The following TMEM163 variants were observed in gnomAD, a reference collection of about 807,000 sequenced individuals.
TMEM163 encodes transmembrane protein 163.
TMEM163 carries 17 observed loss-of-function variants against 29.3 expected under a neutral mutation model. The ratio of observed to expected loss-of-function variants is 0.58; its 90% CI spans 0.40 to 0.87. TMEM163 has a LOEUF of 0.87. TMEM163 is among the 40% of genes least tolerant of loss of function. TMEM163 has a pLI of 0.00. For missense variants in TMEM163, 303 were observed against 381.5 expected, an observed-to-expected ratio of 0.79 and a Z score of 1.71; for synonymous variants, 157 against 160.6, an observed-to-expected ratio of 0.98 and a Z score of 0.17.
chr2:134,467,070 T>A (rs563060637), intron 5 of TMEM163: 1 of 152,338 alleles, frequency 6.6e-6, no homozygotes, highest in African/African-American at 2.4e-5. Flanking sequence ...AAACCTCATG[T>A]CAGAACCTGG....
chr2:134,497,028 G>C (rs72982253), intron 5 of TMEM163, among the ~76,000 whole-genome samples: 5,425 of 152,202 alleles, frequency 0.036, 177 homozygotes, highest in Middle Eastern at 0.085. Flanking sequence ...GTCGCATGGA[G>C]TGTCTGCTTA....
rs1470973264 is a variant in TMEM163 at position 134,528,425 on chromosome 2, CAGG to C, written c.458+22142_458+22144del. Among the ~76,000 whole-genome samples the C allele has an allele frequency of 5.9e-5, 9 of 152,218 alleles. No homozygotes were observed. In the South Asian group the frequency reaches 1.7e-3, roughly 28 times the overall value. On this transcript the variant is annotated intron_variant, in intron 4 of 7. Coordinates refer to ENST00000281924, the MANE Select transcript of TMEM163 (RefSeq NM_030923.5). ...AGATGGCTTCCCTAACCTAGTAAAC[CAGG>C]AGAATGCCTCAGATGATACATTTTG...
At chr2:134,492,688 G>A (rs1314210672) in intron 5 of TMEM163, among the ~76,000 whole-genome samples, 1 of 152,138 alleles carries the variant, frequency 6.6e-6, no homozygotes, top group Non-Finnish European at 1.5e-5. Context: ...CGTCAGTAGT[G>A]TCTACCACCG....
chr2:134,599,014 TA>T (rs34207224), intron 2 of TMEM163, among the ~76,000 whole-genome samples: 3,367 of 124,176 alleles, frequency 0.027, 113 homozygotes, highest in African/African-American at 0.079. Context: ...GCCATTCCGT[TA>T]AAAAAAAAAA....
chr2:134,670,480 C>T (rs575460068), intron 2 of TMEM163, among the ~76,000 whole-genome samples: 97 of 152,298 alleles, frequency 6.4e-4, no homozygotes, highest in African/African-American at 2.1e-3. Flanking sequence ...CAATCTTGCC[C>T]TGATACTACC....
intron 2 of TMEM163, among the ~76,000 whole-genome samples, chr2:134,555,282 T>C (rs925444444): frequency 1.3e-5 from 2 of 152,088 alleles, no homozygotes; most frequent in African/African-American, 2.4e-5. Context: ...CCAACTTCCA[T>C]GGGGTTTTCA....
At chr2:134,710,688 C>A (rs1684906730) in intron 2 of TMEM163, among the ~76,000 whole-genome samples, 1 of 151,830 alleles carries the variant, frequency 6.6e-6, no homozygotes, top group Non-Finnish European at 1.5e-5. Context: ...TTATTACAGT[C>A]TTGAGTACTG....
chr2:134,683,031 T>C (rs1270480505), intron 2 of TMEM163, among the ~76,000 whole-genome samples: 1 of 152,172 alleles, frequency 6.6e-6, no homozygotes, highest in East Asian at 1.9e-4. Context: ...GGCTACATAC[T>C]GTATGATTTC....
Position 134,593,819 on chromosome 2 carries a change from T to G in TMEM163, c.323-41728A>C, listed in dbSNP as rs1423627290. Among the ~76,000 whole-genome samples the G allele has an allele frequency of 2.0e-5, 3 of 151,982 alleles. 1 individual carries two copies. The highest frequency in any genetic ancestry group is 1.5e-5 in the Non-Finnish European group (1 of 68,004). On this transcript the variant is annotated intron_variant, in intron 2 of 7. Coordinates refer to ENST00000281924, the MANE Select transcript of TMEM163 (RefSeq NM_030923.5). Reference sequence around the variant, plus strand: ...ACACTGACTCTGGGAATTTTTTTTTTTTTTTTACATGCAGAAGTTTAACTC... The same window carrying G: ...ACACTGACTCTGGGAATTTTTTTTTGTTTTTTACATGCAGAAGTTTAACTC...
intron 2 of TMEM163, among the ~76,000 whole-genome samples, chr2:134,570,945 C>T (rs1343395066): frequency 6.6e-6 from 1 of 152,192 alleles, no homozygotes; most frequent in Non-Finnish European, 1.5e-5. Context: ...GAAATGCGTT[C>T]TCATTTATTT....
rs200106300 is a variant in TMEM163 at position 134,711,310 on chromosome 2, TAC to T, written c.322+1888_322+1889del. Among the ~76,000 whole-genome samples, 5 of 151,996 alleles carry T rather than the reference TAC, an allele frequency of 3.3e-5. No homozygotes were observed. The East Asian group carries it at 7.7e-4, about 23-fold the overall frequency. ...TCAAGGGTTTAAAATATGAAACACA[TAC>T]ACACACACACAAATACTAAAGCTAC... On this transcript the variant is annotated intron_variant, in intron 2 of 7. Coordinates refer to ENST00000281924, the MANE Select transcript of TMEM163 (RefSeq NM_030923.5).
At chr2:134,583,100 G>A (rs1332012896) in intron 2 of TMEM163, among the ~76,000 whole-genome samples, 5 of 152,312 alleles carry the variant, frequency 3.3e-5, no homozygotes, top group East Asian at 1.9e-4. Flanking sequence ...GACAGAGAAC[G>A]GTGGAGCTTC....
chr2:134,569,379 C>T (rs1292947449), intron 2 of TMEM163, among the ~76,000 whole-genome samples: 1 of 152,154 alleles, frequency 6.6e-6, no homozygotes, highest in African/African-American at 2.4e-5. Flanking sequence ...ATCCCACCCC[C>T]ACATCATTTC....
In TMEM163 at chr2:134,597,757, G is replaced by A. The variant is rs574700435; in HGVS notation, c.323-45666C>T. Among the ~76,000 whole-genome samples, 25 of 152,166 alleles carry A rather than the reference G, an allele frequency of 1.6e-4. No individual in the cohort carries two copies. In the East Asian group the frequency reaches 4.0e-3, roughly 25 times the overall value. On this transcript the variant is annotated intron_variant, in intron 2 of 7. Coordinates refer to ENST00000281924, the MANE Select transcript of TMEM163 (RefSeq NM_030923.5). ...TCCGTCTGGTCCTGGACTTTTTTTC[G>A]TTGGTAAGCTATTAATTATTGCCTC... is the stretch of plus-strand genomic sequence containing the variant.
intron 4 of TMEM163, among the ~76,000 whole-genome samples, chr2:134,544,271 C>T (rs1680734212): frequency 6.6e-6 from 1 of 152,294 alleles, no homozygotes; most frequent in East Asian, 1.9e-4. Context: ...TTCGGCCCTG[C>T]CAAGTTCCTC....
chr2:134,611,886 T>G (rs1682511571), intron 2 of TMEM163, among the ~76,000 whole-genome samples: 1 of 152,150 alleles, frequency 6.6e-6, no homozygotes, highest in Non-Finnish European at 1.5e-5. Context: ...TGCAGGAAAG[T>G]AACCAAACAC....
At chr2:134,570,003 C>A (rs1419817180) in intron 2 of TMEM163, among the ~76,000 whole-genome samples, 1 of 152,120 alleles carries the variant, frequency 6.6e-6, no homozygotes, top group Non-Finnish European at 1.5e-5. Flanking sequence ...ATCAGGTCAA[C>A]CATCATGGTA....
intron 1 of TMEM163, among the ~76,000 whole-genome samples, chr2:134,715,807 C>T (rs963529762): frequency 1.3e-5 from 2 of 152,194 alleles, no homozygotes; most frequent in Non-Finnish European, 2.9e-5. Context: ...AGAGAAGCTA[C>T]GACAGGCCTC....
intron 5 of TMEM163, among the ~76,000 whole-genome samples, chr2:134,499,095 A>T (rs1470074631): frequency 6.6e-6 from 1 of 152,208 alleles, no homozygotes; most frequent in African/African-American, 2.4e-5. Flanking sequence ...TACTTCTTTT[A>T]AAACAACCCA....
Sources: gnomAD v4.1 joint callset for allele counts (sites outside exome capture counted in the v4.1 genomes callset) on GRCh38, gnomAD v4.1.1 for gene constraint, MANE v1.5 for transcripts, NCBI Gene and HGNC (gene_info 2026-07-23, HGNC 2026-07-21) for gene names.